VHL: variants seen among roughly 807,000 people sequenced by gnomAD.
VHL encodes von Hippel-Lindau tumor suppressor.
VHL carries 10 observed loss-of-function variants against 19.2 expected under a neutral mutation model. The observed-to-expected ratio is 0.52, with a 90% CI of 0.32 to 0.89. VHL has a LOEUF of 0.89. Among genes scored for constraint, VHL ranks in the 40% least tolerant of loss-of-function variants. VHL has a pLI of 0.03. For synonymous variants in VHL, 167 were observed against 129.5 expected, an observed-to-expected ratio of 1.29 and a Z score of -1.97; for missense variants, 328 against 292.7, an observed-to-expected ratio of 1.12 and a Z score of -0.88.
intron 1 of VHL, chr3:10,142,663 CCGA>C (rs1696155673): frequency 5.8e-6 from 1 of 170,964 alleles, no homozygotes; most frequent in Non-Finnish European, 1.3e-5. Flanking sequence ...CTTTATAAGG[CCGA>C]ATAGTTTGCA....
Position 10,150,228 on chromosome 3 carries a change from A to G in VHL, c.*263A>G. ...GGTGGTGGCATTTTTGCTTCCTAGTAAGTCAGGACAGCTTGTATGTAAGGA... is the reference window on the plus strand; with the variant it reads ...GGTGGTGGCATTTTTGCTTCCTAGTGAGTCAGGACAGCTTGTATGTAAGGA... On this transcript the variant is annotated 3_prime_UTR_variant, in exon 3 of 3. Coordinates refer to ENST00000256474, the MANE Select transcript of VHL (RefSeq NM_000551.4). 3 of 1,345,188 alleles carry G rather than the reference A, an allele frequency of 2.2e-6. No individual in the cohort carries two copies. The highest frequency in any genetic ancestry group is 2.9e-6 in the Non-Finnish European group (3 of 1,042,630). 83.3% of individuals were successfully genotyped at this position (1,345,188 alleles called of 1,614,324 possible).
Position 10,150,353 on chromosome 3 carries a change from A to G in VHL, c.*388A>G, listed in dbSNP as rs1458258345. On this transcript the variant is annotated 3_prime_UTR_variant, in exon 3 of 3. Transcript: ENST00000256474. The stretch of plus-strand genomic sequence containing the variant: ...TGGATGTATAATACATCCATTCTAC[A>G]TCCGTAGCGGTTGGTGACTTGTCTG... 5 of 1,227,920 alleles carry G rather than the reference A, an allele frequency of 4.1e-6. No individual in the cohort carries two copies. In the East Asian group the frequency reaches 1.5e-4, roughly 37 times the overall value. 76.1% of individuals were successfully genotyped at this position (1,227,920 alleles called of 1,614,324 possible).
intron 2 of VHL, 123 bp from the exon 3 acceptor site, chr3:10,149,664 T>G: frequency 1.2e-6 from 1 of 856,562 alleles, no homozygotes; most frequent in Non-Finnish European, 1.9e-6. Flanking sequence ...ATGCACTCAC[T>G]TTTTTTCTTT....
intron 1 of VHL, among the ~76,000 whole-genome samples, 166 bp from the exon 2 acceptor site, chr3:10,146,348 G>A (rs1696255579): frequency 6.6e-6 from 1 of 151,860 alleles, no homozygotes; most frequent in South Asian, 2.1e-4. Flanking sequence ...TAATTTTTTT[G>A]TATTTTTAGT....
chr3:10,148,353 C>T (rs867808611), intron 2 of VHL, among the ~76,000 whole-genome samples: 2,030 of 135,198 alleles, frequency 0.015, 15 homozygotes, highest in Non-Finnish European at 0.022. Flanking sequence ...CTCGCTCTGT[C>T]GCCCAGGCTG....
chr3:10,146,365 G>A (rs577447476), intron 1 of VHL, 149 bp from the exon 2 acceptor site: 34 of 1,033,550 alleles, frequency 3.3e-5, no homozygotes, highest in African/African-American at 1.9e-4. Flanking sequence ...TAGTAGAGAC[G>A]AGGTTTCACC....
Position 10,149,852 on chromosome 3 carries a change from A to C in VHL, c.529A>C (p.Arg177=). 2 of 1,614,206 alleles carry C rather than the reference A, an allele frequency of 1.2e-6. No homozygotes were observed. The highest frequency in any genetic ancestry group is 1.7e-6 in the Non-Finnish European group (2 of 1,180,036). ...CCTAGTCAAGCCTGAGAATTACAGG[A>C]GACTGGACATCGTCAGGTCGCTCTA... is the stretch of plus-strand genomic sequence containing the variant. ...RSLVKPENYR[R]LDIVRSLYED... Residue 177 remains arginine, a synonymous_variant, in exon 3 of 3, where the codon AGA becomes CGA. Coordinates refer to ENST00000256474, the MANE Select transcript of VHL (RefSeq NM_000551.4).
rs1479846552 is a variant in VHL, at chr3:10,146,464, G to A, written c.341-50G>A. The A allele has an allele frequency of 9.9e-6, 16 of 1,609,356 alleles. No homozygotes were observed. The highest frequency in any genetic ancestry group is 2.7e-5 in the African/African-American group (2 of 74,878). ...GCTGGGATTACAGGTGTGGGCCACC[G>A]TGCCCAGCCACCGGTGTGGCTCTTT... On this transcript the variant is annotated intron_variant, in intron 1 of 2. Coordinates refer to ENST00000256474, the MANE Select transcript of VHL (RefSeq NM_000551.4).
intron 2 of VHL, among the ~76,000 whole-genome samples, chr3:10,148,505 G>C (rs1332418555): frequency 6.6e-6 from 1 of 150,668 alleles, no homozygotes; most frequent in Non-Finnish European, 1.5e-5. Flanking sequence ...TAGTAGAGAC[G>C]GGGTTTCACC....
Position 10,150,454 on chromosome 3 carries a change from C to A in VHL, c.*489C>A. 3.7e-6 allele frequency: 3 copies of A among 810,330 alleles called. No individual in the cohort carries two copies. The highest frequency in any genetic ancestry group is 4.9e-6 in the Non-Finnish European group (3 of 616,788). The allele number at this position is 810,330 out of a possible 1,614,324, so 50.2% of individuals were successfully genotyped here. A position where few individuals can be genotyped will look rare whatever the true frequency, so the allele number is the denominator to read the frequency against. ...CTCCTCTTTGAGACCCCAGTGCCTG[C>A]ACATCATGAGCCTTCAGTCAGGGTT... On this transcript the variant is annotated 3_prime_UTR_variant, in exon 3 of 3. Transcript: ENST00000256474.
Position 10,142,015 on chromosome 3 carries a change from C to T in VHL, c.168C>T (p.Ala56=), listed in dbSNP as rs864622714. 6 of 1,589,920 alleles carry T rather than the reference C, an allele frequency of 3.8e-6. No homozygotes were observed. The highest frequency in any genetic ancestry group is 5.1e-6 in the Non-Finnish European group (6 of 1,170,052). The part of the protein sequence containing the change: ...EELGAEEEME[A]GRPRPVLRSV... ...TGGGCGCCGAGGAGGAGATGGAGGC[C>T]GGGCGGCCGCGGCCCGTGCTGCGCT... The change falls in exon 1 of 3, where the codon GCC becomes GCT. Residue 56 remains alanine, a synonymous_variant. Transcript: ENST00000256474.
chr3:10,143,594 C>G (rs1344909501), intron 1 of VHL, among the ~76,000 whole-genome samples: 1 of 152,064 alleles, frequency 6.6e-6, no homozygotes, highest in African/African-American at 2.4e-5. Context: ...ATTACAGGCA[C>G]GCACTACCAT....
chr3:10,143,491 A>G (rs931449545), intron 1 of VHL, among the ~76,000 whole-genome samples: 5 of 152,156 alleles, frequency 3.3e-5, no homozygotes, highest in African/African-American at 1.2e-4. Flanking sequence ...ATCTGTCGCC[A>G]GACTGGAGTG....
chr3:10,151,371 GA>G lies in VHL; in HGVS notation c.*1407del, dbSNP rs1424672001. On this transcript the variant is annotated 3_prime_UTR_variant, in exon 3 of 3. Coordinates refer to ENST00000256474, the MANE Select transcript of VHL (RefSeq NM_000551.4). ...CAGACTCAGTTTTTTGTAACTAATA[GA>G]TTTTTTTTTCCACTTTTGTTCTACT... 1 of 216,924 alleles carries G rather than the reference GA, an allele frequency of 4.6e-6. No individual in the cohort carries two copies. Among genetic ancestry groups the G allele is most frequent in the Non-Finnish European group, 9.3e-6 (1 of 108,032 alleles). The allele number at this position is 216,924 out of a possible 1,614,324, so 13.4% of individuals were successfully genotyped here.
At chr3:10,144,495 T>C (rs1696205725) in intron 1 of VHL, among the ~76,000 whole-genome samples, 1 of 62,532 alleles carries the variant, frequency 1.6e-5, no homozygotes, top group Non-Finnish European at 3.2e-5. Flanking sequence ...CTCTATCTTG[T>C]CTTTTTTTTT....
chr3:10,142,725 CAA>C (rs2125125807), intron 1 of VHL: 1 of 162,568 alleles, frequency 6.2e-6, no homozygotes, highest in African/African-American at 2.4e-5. Context: ...ATTTTCCCCT[CAA>C]AGAAAAGCTG....
chr3:10,147,921 A>G (rs1696303076), intron 2 of VHL, among the ~76,000 whole-genome samples: 1 of 151,856 alleles, frequency 6.6e-6, no homozygotes, highest in Non-Finnish European at 1.5e-5. Context: ...GTGAGACCCC[A>G]GCTCCACAAA....
rs1459275961 is a variant in VHL, at chr3:10,152,714, T to G, written c.*2749T>G. 6.6e-6 allele frequency among the ~76,000 whole-genome samples: 1 copy of G among 151,446 alleles called. No individual in the cohort carries two copies. The highest frequency in any genetic ancestry group is 2.4e-5 in the African/African-American group (1 of 41,304). ...ACCATGTTGTCCAGGATGGTCTTGA[T>G]CTCCTGACCTTGTGATCCACCCACC... On this transcript the variant is annotated 3_prime_UTR_variant, in exon 3 of 3. Transcript: ENST00000256474.
Position 10,152,058 on chromosome 3 carries a change from CTCAA to C in VHL, c.*2094_*2097del, listed in dbSNP as rs1696424469. ...CCTGGGGGACAGAGCAAGACCCTGCCTCAAAAAAAAAAAAAAAAAAAAAATCAGG... is the reference window on the plus strand; with the variant it reads ...CCTGGGGGACAGAGCAAGACCCTGCCAAAAAAAAAAAAAAAAAAAATCAGG... On this transcript the variant is annotated 3_prime_UTR_variant, in exon 3 of 3. Transcript: ENST00000256474. The C allele has an allele frequency of 1.2e-5, 1 of 86,246 alleles. No homozygotes were observed. The highest frequency in any genetic ancestry group is 2.4e-5 in the Non-Finnish European group (1 of 42,306). The allele number at this position is 86,246 out of a possible 1,614,324, so 5.3% of individuals were successfully genotyped here.
Sources: allele counts gnomAD v4.1 joint callset (sites outside exome capture counted in the v4.1 genomes callset), GRCh38; gene constraint gnomAD v4.1.1; transcripts MANE v1.5; gene names NCBI Gene and HGNC (gene_info 2026-07-23, HGNC 2026-07-21).